AUTS2: variants seen among roughly 807,000 people sequenced by gnomAD.
AUTS2 encodes the protein activator of transcription and developmental regulator AUTS2.
Under a neutral mutation model 112.4 loss-of-function variants are expected in AUTS2, and 17 were observed. The observed-to-expected ratio is 0.15, with a 90% CI of 0.10 to 0.23. The LOEUF is 0.23. Among genes scored for constraint, AUTS2 ranks in the 10% least tolerant of loss-of-function variants. The probability of loss-of-function intolerance (pLI) is 1.00; values close to 1 mark genes in which losing one functional copy is unlikely to be tolerated. For missense variants in AUTS2, 1,510 were observed against 1,701.6 expected (o/e 0.89, Z 1.98); for synonymous variants, 751 against 702.7 (o/e 1.07, Z -1.09).
In AUTS2 at chr7:70,790,700, T is replaced by G; in HGVS notation, c.3484T>G (p.Tyr1162Asp). 6.2e-7 allele frequency: 1 copy of G among 1,613,424 alleles called. No homozygotes were observed. The highest frequency in any genetic ancestry group is 8.5e-7 in the Non-Finnish European group (1 of 1,179,946). ...RERLHMLRED[Y>D]EHTRLHSVHP... ...GCGCTTGCACATGCTCAGAGAAGAC[T>G]ACGAGCACACGCGGCTCCACTCCGT... is the stretch of plus-strand genomic sequence containing the variant. Residue 1162 changes from tyrosine (Y) to aspartate (D), a missense_variant, in exon 19 of 19, where the codon TAC becomes GAC. Around this residue, in one of 3 missense-constraint regions of AUTS2, gnomAD observed 788 missense variants for 797.6 expected, o/e 0.99. Coordinates refer to ENST00000342771, the MANE Select transcript of AUTS2 (RefSeq NM_015570.4). This position sits in a 1 kb window ranked among gnomAD's most constrained non-coding sequence, Gnocchi z 7.6.
In AUTS2 at chr7:70,505,662, G is replaced by A. The variant is rs78954558; in HGVS notation, c.690+69881G>A. ...AGATTGCACGTGGCTCCTGTGAACC[G>A]TGGTTATACCCAGGCTAAGTCCAGC... On this transcript the variant is annotated intron_variant, in intron 5 of 18. Coordinates refer to ENST00000342771, the MANE Select transcript of AUTS2 (RefSeq NM_015570.4). 2.6e-3 allele frequency among the ~76,000 whole-genome samples: 398 copies of A among 152,272 alleles called. 3 individuals are homozygous for A. The highest frequency in any genetic ancestry group is 9.1e-3 in the African/African-American group (379 of 41,564).
At chr7:69,838,652 G>A (rs1029491937) in intron 1 of AUTS2, among the ~76,000 whole-genome samples, 1 of 152,082 alleles carries the variant, frequency 6.6e-6, no homozygotes, top group Non-Finnish European at 1.5e-5. Context: ...AACTATATTT[G>A]TTATTTAAAG....
intron 4 of AUTS2, among the ~76,000 whole-genome samples, chr7:70,250,810 C>T (rs182806153): frequency 6.6e-6 from 1 of 152,204 alleles, no homozygotes; most frequent in African/African-American, 2.4e-5. Context: ...GGGAGCTAAA[C>T]AACAACAACA....
intron 6 of AUTS2, among the ~76,000 whole-genome samples, chr7:70,747,874 T>G (rs564760705): frequency 1.3e-5 from 2 of 151,726 alleles, no homozygotes; most frequent in South Asian, 2.1e-4. Flanking sequence ...CAGGCTGGAG[T>G]GCAGTGGCGC....
chr7:70,692,843 G>C (rs1585516897), intron 5 of AUTS2, among the ~76,000 whole-genome samples: 1 of 151,790 alleles, frequency 6.6e-6, no homozygotes, highest in East Asian at 1.9e-4. Context: ...ACTTCAAAGA[G>C]GCAAGGAGTG....
At chr7:70,662,102 C>A (rs529917993) in intron 5 of AUTS2, among the ~76,000 whole-genome samples, 1 of 152,332 alleles carries the variant, frequency 6.6e-6, no homozygotes, top group South Asian at 2.1e-4. Flanking sequence ...CGGCCCTTCC[C>A]ACAGGCCCAG....
At chr7:69,859,555 C>T (rs1244210507) in intron 1 of AUTS2, among the ~76,000 whole-genome samples, 1 of 152,146 alleles carries the variant, frequency 6.6e-6, no homozygotes, top group Non-Finnish European at 1.5e-5. Flanking sequence ...TTCTTATCTC[C>T]ATCCAAAAAT....
At chr7:70,439,813 A>T (rs938247354) in intron 5 of AUTS2, among the ~76,000 whole-genome samples, 1 of 152,202 alleles carries the variant, frequency 6.6e-6, no homozygotes, top group Non-Finnish European at 1.5e-5. Flanking sequence ...GCAGCAGCCC[A>T]TGATGCTAAG....
intron 2 of AUTS2, among the ~76,000 whole-genome samples, chr7:70,020,126 T>C (rs1166048984): frequency 1.3e-5 from 2 of 152,220 alleles, no homozygotes; most frequent in Non-Finnish European, 2.9e-5. Flanking sequence ...AGGGACACGG[T>C]GCACACCTGA....
intron 5 of AUTS2, among the ~76,000 whole-genome samples, chr7:70,687,821 C>T (rs970054260): frequency 6.6e-6 from 1 of 152,152 alleles, no homozygotes; most frequent in African/African-American, 2.4e-5. Context: ...GGCCACCTGA[C>T]GTTGATTAGC....
chr7:69,887,890 TAATA>T (rs1398816097), intron 1 of AUTS2, among the ~76,000 whole-genome samples: 1 of 152,190 alleles, frequency 6.6e-6, no homozygotes, highest in Non-Finnish European at 1.5e-5. Flanking sequence ...CTCTTGGGGT[TAATA>T]AGGCGATTTA....
intron 5 of AUTS2, among the ~76,000 whole-genome samples, chr7:70,456,322 G>A (rs1796738367): frequency 6.6e-6 from 1 of 152,212 alleles, no homozygotes; most frequent in Non-Finnish European, 1.5e-5. Flanking sequence ...CTTAAAGAGT[G>A]TTTACTTCAT....
intron 1 of AUTS2, among the ~76,000 whole-genome samples, chr7:69,758,889 A>G (rs1788049419): frequency 6.6e-6 from 1 of 152,182 alleles, no homozygotes; most frequent in Non-Finnish European, 1.5e-5. Context: ...GTGCTAGATC[A>G]TTTCAACCCA....
At chr7:69,947,510 A>G (rs1411842726) in intron 2 of AUTS2, among the ~76,000 whole-genome samples, 1 of 152,212 alleles carries the variant, frequency 6.6e-6, no homozygotes, top group South Asian at 2.1e-4. Flanking sequence ...CTGTGGAAAT[A>G]CCGTGGAATT....
intron 2 of AUTS2, among the ~76,000 whole-genome samples, chr7:69,941,554 C>G (rs1273159139): frequency 2.0e-5 from 3 of 151,494 alleles, no homozygotes; most frequent in Non-Finnish European, 4.4e-5. Flanking sequence ...AGCAGCAGCT[C>G]CAGTCTGCCC....
At chr7:69,975,905 C>T (rs1036898967) in intron 2 of AUTS2, among the ~76,000 whole-genome samples, 3 of 152,054 alleles carry the variant, frequency 2.0e-5, no homozygotes, top group African/African-American at 7.2e-5. Context: ...CCAGGCTGGT[C>T]TTGAACTCCT....
At chr7:69,830,738 T>TA (rs1355782121) in intron 1 of AUTS2, among the ~76,000 whole-genome samples, 2 of 152,190 alleles carry the variant, frequency 1.3e-5, no homozygotes, top group Non-Finnish European at 2.9e-5. Flanking sequence ...GAGCTCGTAC[T>TA]AAAAATTAGC....
At chr7:70,418,107 G>C (rs13307813) in intron 4 of AUTS2, among the ~76,000 whole-genome samples, 143 of 150,938 alleles carry the variant, frequency 9.5e-4, no homozygotes, top group East Asian at 1.8e-3. Context: ...GTGTGTGTGT[G>C]TGTGTCTGTG....
intron 2 of AUTS2, among the ~76,000 whole-genome samples, chr7:70,025,959 CTG>C (rs1366527129): frequency 2.0e-5 from 3 of 152,042 alleles, no homozygotes; most frequent in African/African-American, 7.2e-5. Context: ...GAGATAGTTT[CTG>C]AACTAGGCAC....
Sources: gnomAD v4.1 joint callset for allele counts (sites outside exome capture counted in the v4.1 genomes callset) on GRCh38, gnomAD v4.1.1 for gene constraint, gnomAD v4.1.1 regional missense constraint, Gnocchi (gnomAD v3.1) non-coding constraint, MANE v1.5 for transcripts, NCBI Gene and HGNC (gene_info 2026-07-23, HGNC 2026-07-21) for gene names.